DPP10: variants seen among roughly 807,000 people sequenced by gnomAD.
The protein encoded by DPP10 is dipeptidyl peptidase like 10, also known as inactive dipeptidyl peptidase 10.
A neutral mutation model predicts 120.9 loss-of-function variants in DPP10; 33 were observed. That is an observed-to-expected ratio of 0.27 (90% CI 0.21 to 0.37). The LOEUF is 0.37. DPP10 is among the 10% of genes least tolerant of loss of function. The probability of loss-of-function intolerance (pLI) is 1.00; values close to 1 mark genes in which losing one functional copy is unlikely to be tolerated. For synonymous variants in DPP10, 337 were observed against 326.1 expected (o/e 1.03, Z -0.36); for missense variants, 816 against 942.8 (o/e 0.87, Z 1.76).
rs924331795 is a variant in DPP10, at chr2:115,024,902, T to C, written c.61-284337T>C. Among the ~76,000 whole-genome samples the C allele has an allele frequency of 2.0e-5, 3 of 150,018 alleles. No individual in the cohort carries two copies. In the Admixed American group the frequency reaches 2.0e-4, roughly 10 times the overall value. Reference sequence around the variant, plus strand: ...ATATTCCAATTACCCTAATTTCATCTTTATAATCTTTAAATATATTTTATA... The same window carrying C: ...ATATTCCAATTACCCTAATTTCATCCTTATAATCTTTAAATATATTTTATA... On this transcript the variant is annotated intron_variant, in intron 1 of 25. Transcript: ENST00000410059.
chr2:115,163,525 A>G (rs1001586400), intron 1 of DPP10, among the ~76,000 whole-genome samples: 1 of 152,344 alleles, frequency 6.6e-6, no homozygotes, highest in East Asian at 1.9e-4. Context: ...TTAAAACATC[A>G]TACGTTCCTT....
chr2:115,753,393 A>G, intron 11 of DPP10, 96 bp downstream of exon 11: 1 of 1,214,116 alleles, frequency 8.2e-7, no homozygotes, highest in Non-Finnish European at 1.1e-6. Context: ...AAAAAAATTC[A>G]GTGTTTAACT....
intron 1 of DPP10, among the ~76,000 whole-genome samples, chr2:114,920,918 TC>T (rs1361121734): frequency 1.3e-5 from 2 of 152,152 alleles, no homozygotes; most frequent in Non-Finnish European, 2.9e-5. Flanking sequence ...AATCTTCTCA[TC>T]AGGGTAATTG....
intron 1 of DPP10, among the ~76,000 whole-genome samples, chr2:114,600,636 C>A (rs760852251): frequency 6.6e-6 from 1 of 151,826 alleles, no homozygotes; most frequent in Non-Finnish European, 1.5e-5. Context: ...CAGCTACAAG[C>A]AATTTTGATA....
At chr2:114,664,017 A>G (rs1432348326) in intron 1 of DPP10, among the ~76,000 whole-genome samples, 1 of 152,020 alleles carries the variant, frequency 6.6e-6, no homozygotes, top group Non-Finnish European at 1.5e-5. Flanking sequence ...CATCACAGGG[A>G]GCAATTGTAT....
intron 4 of DPP10, among the ~76,000 whole-genome samples, chr2:115,521,062 G>T (rs2077775275): frequency 6.6e-6 from 1 of 152,188 alleles, no homozygotes; most frequent in African/African-American, 2.4e-5. Flanking sequence ...AAGGCTTAAA[G>T]GAGAAGAATT....
rs566570365 is a variant in DPP10 at position 115,137,735 on chromosome 2, T to A, written c.61-171504T>A. Among the ~76,000 whole-genome samples, 139 of 152,290 alleles carry A rather than the reference T, an allele frequency of 9.1e-4. 5 individuals carry two copies. Among genetic ancestry groups the A allele is most frequent in the African/African-American group, 3.2e-3 (132 of 41,556 alleles). On this transcript the variant is annotated intron_variant, in intron 1 of 25. Transcript: ENST00000410059. ...TAAGAGATTGAGTGAACTCCAACTA[T>A]GAAGGCCTATCAACGGACAGAAGGC...
chr2:114,863,863 G>A (rs1239407198), intron 1 of DPP10, among the ~76,000 whole-genome samples: 1 of 152,154 alleles, frequency 6.6e-6, no homozygotes, highest in East Asian at 1.9e-4. Context: ...GGAAAGATAT[G>A]AATGAATAAT....
intron 1 of DPP10, among the ~76,000 whole-genome samples, chr2:115,017,012 A>G (rs1358880231): frequency 6.9e-6 from 1 of 145,290 alleles, no homozygotes; most frequent in Non-Finnish European, 1.5e-5. Flanking sequence ...AACAATGAGA[A>G]CACATGAACA....
At chr2:115,053,584 T>G (rs563117118) in intron 1 of DPP10, among the ~76,000 whole-genome samples, 1 of 152,340 alleles carries the variant, frequency 6.6e-6, no homozygotes, top group East Asian at 1.9e-4. Context: ...GACCACTGAA[T>G]TTTACATTTT....
intron 1 of DPP10, among the ~76,000 whole-genome samples, chr2:114,678,904 T>A (rs1698838305): frequency 6.6e-6 from 1 of 152,080 alleles, no homozygotes; most frequent in Non-Finnish European, 1.5e-5. Flanking sequence ...AGGAATTCCT[T>A]ACATTTTCAT....
At chr2:115,359,649 G>T (rs966859196) in intron 3 of DPP10, among the ~76,000 whole-genome samples, 1 of 152,048 alleles carries the variant, frequency 6.6e-6, no homozygotes, top group Non-Finnish European at 1.5e-5. Context: ...TCTTGAATTT[G>T]TGAGTTGACC....
chr2:114,916,168 C>T (rs1694788996), intron 1 of DPP10, among the ~76,000 whole-genome samples: 1 of 152,114 alleles, frequency 6.6e-6, no homozygotes, highest in Non-Finnish European at 1.5e-5. Context: ...CACAGAAATA[C>T]AGAAAATCCT....
chr2:115,246,316 C>G (rs13009552), intron 1 of DPP10, among the ~76,000 whole-genome samples: 16,800 of 152,076 alleles, frequency 0.11, 1,056 homozygotes, highest in East Asian at 0.2. Flanking sequence ...TAGGGACACA[C>G]ATAATTTGCT....
chr2:115,423,684 G>A (rs1006780545), intron 3 of DPP10, among the ~76,000 whole-genome samples: 14 of 152,092 alleles, frequency 9.2e-5, no homozygotes, highest in African/African-American at 3.4e-4. Context: ...AGCATTTAAT[G>A]ACAAAAATAT....
At chr2:115,361,315 C>T (rs2106352378) in intron 3 of DPP10, among the ~76,000 whole-genome samples, 1 of 152,202 alleles carries the variant, frequency 6.6e-6, no homozygotes, top group South Asian at 2.1e-4. Flanking sequence ...CTTTGTCCTT[C>T]TGCCCATCTG....
intron 1 of DPP10, among the ~76,000 whole-genome samples, chr2:114,915,203 G>T (rs981266459): frequency 6.6e-6 from 1 of 152,082 alleles, no homozygotes; most frequent in African/African-American, 2.4e-5. Flanking sequence ...AAGAGCAGAG[G>T]TTGCTATTCT....
chr2:115,286,308 G>T (rs1376521394), intron 1 of DPP10, among the ~76,000 whole-genome samples: 1 of 150,582 alleles, frequency 6.6e-6, no homozygotes, highest in Admixed American at 6.7e-5. Context: ...TTGCTAGAAT[G>T]CTGGGAAAAA....
chr2:115,423,485 GA>G (rs1197921791), intron 3 of DPP10, among the ~76,000 whole-genome samples: 1 of 152,140 alleles, frequency 6.6e-6, no homozygotes, highest in African/African-American at 2.4e-5. Flanking sequence ...TCTTTTAAGT[GA>G]ATGTTTTCTT....
Sources: allele counts gnomAD v4.1 joint callset (sites outside exome capture counted in the v4.1 genomes callset), GRCh38; gene constraint gnomAD v4.1.1; transcripts MANE v1.5; gene names NCBI Gene and HGNC (gene_info 2026-07-23, HGNC 2026-07-21).